The following CDK14 variants were observed in gnomAD, a reference collection of about 807,000 sequenced individuals.
The protein encoded by CDK14 is cyclin dependent kinase 14.
Under a neutral mutation model 60.7 loss-of-function variants are expected in CDK14, and 34 were observed. That is an observed-to-expected ratio of 0.56 (90% CI 0.43 to 0.75). The LOEUF is 0.75. Ranked by LOEUF, CDK14 falls within the 30% of genes least tolerant of loss-of-function variation. The pLI is 0.00. For missense variants in CDK14, 482 were observed against 564.1 expected, an observed-to-expected ratio of 0.85 and a Z score of 1.47; for synonymous variants, 197 against 203.7, an observed-to-expected ratio of 0.97 and a Z score of 0.28.
intron 2 of CDK14, among the ~76,000 whole-genome samples, chr7:90,725,362 T>A (rs2116705304): frequency 6.6e-6 from 1 of 152,270 alleles, no homozygotes; most frequent in East Asian, 1.9e-4. Context: ...TATGCATCTG[T>A]GTCTGTATTT....
At chr7:91,166,978 G>A (rs1801365589) in intron 14 of CDK14, among the ~76,000 whole-genome samples, 1 of 152,204 alleles carries the variant, frequency 6.6e-6, no homozygotes, top group Non-Finnish European at 1.5e-5. Context: ...ATTTTGAGAA[G>A]TAACCATGAA....
intron 10 of CDK14, among the ~76,000 whole-genome samples, chr7:90,999,091 G>C (rs959685462): frequency 2.6e-5 from 4 of 151,912 alleles, no homozygotes; most frequent in African/African-American, 9.7e-5. Context: ...CATCATGGGG[G>C]AGTTTATCTA....
At chr7:90,951,781 T>G (rs1794270435) in intron 8 of CDK14, among the ~76,000 whole-genome samples, 1 of 152,202 alleles carries the variant, frequency 6.6e-6, no homozygotes, top group South Asian at 2.1e-4. Context: ...CTGGACTCTT[T>G]TGGTGTATTC....
chr7:90,812,959 A>T (rs1311910800), intron 5 of CDK14, among the ~76,000 whole-genome samples: 1 of 152,244 alleles, frequency 6.6e-6, no homozygotes, highest in African/African-American at 2.4e-5. Context: ...ACATGAAGAC[A>T]TTTACCTAAG....
At chr7:91,016,378 G>A (rs1265758233) in intron 10 of CDK14, among the ~76,000 whole-genome samples, 1 of 151,940 alleles carries the variant, frequency 6.6e-6, no homozygotes, top group African/African-American at 2.4e-5. Flanking sequence ...AATTTAGACG[G>A]TCCTAAACAT....
At chr7:90,642,550 T>A (rs17875027) in intron 2 of CDK14, among the ~76,000 whole-genome samples, 47,002 of 151,908 alleles carry the variant, frequency 0.31, 8,194 homozygotes, top group East Asian at 0.67. Flanking sequence ...ATTTTTATTT[T>A]TTTATTTTTT....
intron 2 of CDK14, among the ~76,000 whole-genome samples, chr7:90,620,396 C>T (rs1320532042): frequency 2.6e-5 from 4 of 152,092 alleles, no homozygotes; most frequent in Non-Finnish European, 5.9e-5. Flanking sequence ...AAACTCTGTG[C>T]TCTCCAGACG....
intron 8 of CDK14, among the ~76,000 whole-genome samples, chr7:90,928,131 G>GT (rs1474683918): frequency 2.6e-5 from 4 of 151,928 alleles, no homozygotes; most frequent in Admixed American, 2.0e-4. Flanking sequence ...TTTTTTCAAG[G>GT]TTTTTAGCTT....
chr7:91,158,678 A>G (rs1358792989), intron 14 of CDK14, among the ~76,000 whole-genome samples: 3 of 152,194 alleles, frequency 2.0e-5, no homozygotes, highest in Admixed American at 1.3e-4. Context: ...GAAAATTGCC[A>G]TAGAAAGGAA....
chr7:91,017,947 T>C (rs1376193221), intron 10 of CDK14, among the ~76,000 whole-genome samples: 2 of 152,318 alleles, frequency 1.3e-5, no homozygotes, highest in Middle Eastern at 3.4e-3. Flanking sequence ...TTAGATCTAC[T>C]GTGCATCAGA....
chr7:90,806,160 TAG>T (rs1368571058), intron 5 of CDK14, among the ~76,000 whole-genome samples: 2 of 152,140 alleles, frequency 1.3e-5, no homozygotes, highest in East Asian at 3.8e-4. Flanking sequence ...GACCTCAGTG[TAG>T]GAGATAAAAG....
intron 10 of CDK14, among the ~76,000 whole-genome samples, chr7:91,020,254 A>T (rs1796399950): frequency 6.6e-6 from 1 of 152,234 alleles, no homozygotes; most frequent in African/African-American, 2.4e-5. Context: ...TAAAGAATCA[A>T]GATCAGTAAT....
intron 11 of CDK14, among the ~76,000 whole-genome samples, chr7:91,065,659 C>A (rs1272497789): frequency 6.6e-6 from 1 of 152,154 alleles, no homozygotes; most frequent in African/African-American, 2.4e-5. Flanking sequence ...CATAAAAATT[C>A]TTGTGAATAC....
chr7:90,938,570 A>G (rs1793822374), intron 8 of CDK14, among the ~76,000 whole-genome samples: 1 of 152,224 alleles, frequency 6.6e-6, no homozygotes, highest in African/African-American at 2.4e-5. Context: ...ACATGAAGTC[A>G]ATAATTTTTT....
chr7:90,740,505 G>T (rs1803303193), intron 3 of CDK14, among the ~76,000 whole-genome samples: 1 of 151,770 alleles, frequency 6.6e-6, no homozygotes, highest in African/African-American at 2.4e-5. Context: ...AGACACCAGG[G>T]ATCCCATCAA....
chr7:90,648,565 A>G (rs1800520325), intron 2 of CDK14, among the ~76,000 whole-genome samples: 1 of 152,056 alleles, frequency 6.6e-6, no homozygotes, highest in Non-Finnish European at 1.5e-5. Context: ...TGGCCCCTAG[A>G]GATTCAGATC....
At chr7:90,986,077 A>C (rs1795365639) in intron 10 of CDK14, among the ~76,000 whole-genome samples, 1 of 152,116 alleles carries the variant, frequency 6.6e-6, no homozygotes, top group Non-Finnish European at 1.5e-5. Context: ...GAAAAAATTG[A>C]ATCATATCTT....
At chr7:91,068,298 T>C (rs1202598806) in intron 11 of CDK14, among the ~76,000 whole-genome samples, 1 of 152,224 alleles carries the variant, frequency 6.6e-6, no homozygotes, top group African/African-American at 2.4e-5. Context: ...ATGTTTGTAA[T>C]CGGGGCTGAT....
intron 10 of CDK14, among the ~76,000 whole-genome samples, chr7:91,017,522 T>A (rs902257430): frequency 1.1e-4 from 17 of 152,362 alleles, no homozygotes; most frequent in Non-Finnish European, 1.5e-4. Context: ...TAAAACAAGG[T>A]ATCTCCAGGT....
Sources: allele counts gnomAD v4.1 joint callset (sites outside exome capture counted in the v4.1 genomes callset), GRCh38; gene constraint gnomAD v4.1.1; transcripts MANE v1.5; gene names NCBI Gene and HGNC (gene_info 2026-07-23, HGNC 2026-07-21).